ELP4: variants seen among roughly 807,000 people sequenced by gnomAD.
ELP4 encodes elongator complex protein 4.
ELP4 carries 51 observed loss-of-function variants against 48.9 expected under a neutral mutation model. That is an observed-to-expected ratio of 1.04 (90% CI 0.83 to 1.32). The LOEUF (loss-of-function observed/expected upper bound fraction) is 1.32, where lower values mean the gene tolerates loss of function less well. Ranked by LOEUF, ELP4 falls within the 40% of genes most tolerant of loss-of-function variation. The pLI is 0.00. For missense variants in ELP4, 519 were observed against 514.6 expected (o/e 1.01, Z -0.08); for synonymous variants, 210 against 189.2 (o/e 1.11, Z -0.90).
At chr11:31,590,230 A>T (rs1184203585) in intron 3 of ELP4, among the ~76,000 whole-genome samples, 1 of 152,190 alleles carries the variant, frequency 6.6e-6, no homozygotes, top group Admixed American at 6.5e-5. Flanking sequence ...ACTGCCCTGA[A>T]TAGAGCAAGT....
intron 9 of ELP4, among the ~76,000 whole-genome samples, chr11:31,768,357 G>C (rs1948080598): frequency 6.6e-6 from 1 of 152,100 alleles, no homozygotes; most frequent in South Asian, 2.1e-4. Context: ...ACCTCTATCT[G>C]TCCATGAAGA....
intron 9 of ELP4, among the ~76,000 whole-genome samples, chr11:31,749,856 A>ATT (rs1365172448): frequency 1.4e-4 from 19 of 140,248 alleles, no homozygotes; most frequent in African/African-American, 2.9e-4. Context: ...CCTTTATGAC[A>ATT]TTTTTTTTTT....
intron 3 of ELP4, among the ~76,000 whole-genome samples, chr11:31,557,236 AT>A (rs2133936752): frequency 6.6e-6 from 1 of 152,016 alleles, no homozygotes; most frequent in Non-Finnish European, 1.5e-5. Flanking sequence ...CGAAGGGTTT[AT>A]ATTATACCAC....
At chr11:31,734,234 A>G (rs902084362) in intron 9 of ELP4, among the ~76,000 whole-genome samples, 1 of 152,206 alleles carries the variant, frequency 6.6e-6, no homozygotes, top group Non-Finnish European at 1.5e-5. Context: ...TAAAGACCAT[A>G]TATGAGAAGC....
At chr11:31,519,919 G>T in intron 1 of ELP4, 137 bp from the exon 2 acceptor site, 1 of 666,806 alleles carries the variant, frequency 1.5e-6, no homozygotes, top group Non-Finnish European at 2.6e-6. Flanking sequence ...GCAAAGTATT[G>T]CAAAGGTAAT....
chr11:31,743,104 C>G (rs542187999), intron 9 of ELP4, among the ~76,000 whole-genome samples: 63 of 152,218 alleles, frequency 4.1e-4, no homozygotes, highest in Middle Eastern at 3.4e-3. Flanking sequence ...TGCAATCCTA[C>G]TCTCTGATAA....
intron 2 of ELP4, among the ~76,000 whole-genome samples, chr11:31,538,516 T>A (rs1282194490): frequency 6.6e-6 from 1 of 150,490 alleles, no homozygotes; most frequent in Non-Finnish European, 1.5e-5. Flanking sequence ...TGATTAGAAG[T>A]GATGAAAGTG....
intron 9 of ELP4, among the ~76,000 whole-genome samples, chr11:31,748,804 G>C (rs1286491870): frequency 6.6e-6 from 1 of 151,104 alleles, no homozygotes; most frequent in Non-Finnish European, 1.5e-5. Flanking sequence ...AGGAGTTCAA[G>C]ACCAGCCTGG....
At chr11:31,647,573 A>G (rs1945228907) in intron 7 of ELP4, 168 bp from the exon 8 acceptor site, 1 of 507,212 alleles carries the variant, frequency 2.0e-6, no homozygotes, top group African/African-American at 2.0e-5. Flanking sequence ...AATTAAGGGC[A>G]TATTTCCATC....
At chr11:31,710,203 A>G (rs1946711732) in intron 9 of ELP4, among the ~76,000 whole-genome samples, 1 of 152,258 alleles carries the variant, frequency 6.6e-6, no homozygotes, top group Non-Finnish European at 1.5e-5. Context: ...GGCCAGCATG[A>G]TCAGAGCAAC....
At chr11:31,777,214 T>C (rs1948267733) in intron 9 of ELP4, among the ~76,000 whole-genome samples, 1 of 152,146 alleles carries the variant, frequency 6.6e-6, no homozygotes, top group African/African-American at 2.4e-5. Flanking sequence ...TGAAATCTTG[T>C]GAAGATATCA....
intron 9 of ELP4, among the ~76,000 whole-genome samples, chr11:31,678,643 T>C (rs1359343039): frequency 1.3e-5 from 2 of 151,978 alleles, no homozygotes; most frequent in South Asian, 2.1e-4. Context: ...CATAGTTTGT[T>C]TATTCGTTCA....
intron 3 of ELP4, among the ~76,000 whole-genome samples, chr11:31,588,234 ATATT>A (rs1565068238): frequency 2.6e-5 from 4 of 152,108 alleles, no homozygotes; most frequent in Non-Finnish European, 4.4e-5. Context: ...CTATTGATAG[ATATT>A]TATATTGTTA....
intron 3 of ELP4, among the ~76,000 whole-genome samples, chr11:31,554,454 A>G (rs951202291): frequency 1.7e-4 from 25 of 151,446 alleles, no homozygotes; most frequent in African/African-American, 6.0e-4. Flanking sequence ...TTTTATATAT[A>G]TGAATTATTT....
At chr11:31,563,496 T>C (rs1479020929) in intron 3 of ELP4, among the ~76,000 whole-genome samples, 2 of 152,178 alleles carry the variant, frequency 1.3e-5, no homozygotes, top group Non-Finnish European at 2.9e-5. Flanking sequence ...CAGCATCTTA[T>C]GGATAAGGTA....
chr11:31,527,322 A>C (rs1956310893), intron 2 of ELP4, among the ~76,000 whole-genome samples: 1 of 152,096 alleles, frequency 6.6e-6, no homozygotes, highest in Non-Finnish European at 1.5e-5. Flanking sequence ...AATAAAAATA[A>C]TCAGTAATCT....
chr11:31,660,059 T>G (rs1269178104), intron 9 of ELP4, among the ~76,000 whole-genome samples: 1 of 152,234 alleles, frequency 6.6e-6, no homozygotes, highest in East Asian at 1.9e-4. Flanking sequence ...AAAGTTGTAT[T>G]TAATTACATT....
rs1392941921 is a variant in ELP4 at position 31,790,321 on chromosome 11, A to G, written c.*6797A>G. On this transcript the variant is annotated 3_prime_UTR_variant, in exon 10 of 10. Coordinates refer to ENST00000640961, the MANE Select transcript of ELP4 (RefSeq NM_019040.5). The stretch of plus-strand genomic sequence containing the variant: ...ACTTTTACAATAAAGCTGTCTCTGG[A>G]AAACCAATGTGTCACTTTTTATTTC... 8.8e-6 allele frequency: 6 copies of G among 681,462 alleles called. No individual in the cohort carries two copies. In the East Asian group the frequency reaches 2.2e-4, roughly 25 times the overall value. The allele number at this position is 681,462 out of a possible 1,614,324, so 42.2% of individuals were successfully genotyped here. A position where few individuals can be genotyped will look rare whatever the true frequency, so the allele number is the denominator to read the frequency against.
intron 5 of ELP4, among the ~76,000 whole-genome samples, chr11:31,609,244 G>A (rs1027204928): frequency 6.6e-6 from 1 of 152,100 alleles, no homozygotes; most frequent in Admixed American, 6.5e-5. Context: ...GAATAGCCGC[G>A]GCTAGTAGCT....
Sources: allele counts gnomAD v4.1 joint callset (sites outside exome capture counted in the v4.1 genomes callset), GRCh38; gene constraint gnomAD v4.1.1; transcripts MANE v1.5; gene names NCBI Gene and HGNC (gene_info 2026-07-23, HGNC 2026-07-21).